The following PITPNC1 variants were observed in gnomAD, a reference collection of about 807,000 sequenced individuals.
PITPNC1 encodes the protein cytoplasmic phosphatidylinositol transfer protein 1.
Under a neutral mutation model 44.7 loss-of-function variants are expected in PITPNC1, and 18 were observed. The observed-to-expected ratio is 0.40, with a 90% CI of 0.28 to 0.60. PITPNC1 has a LOEUF of 0.60. Among genes scored for constraint, PITPNC1 ranks in the 20% least tolerant of loss-of-function variants. PITPNC1 has a pLI of 0.39. For synonymous variants in PITPNC1, 141 were observed against 149.6 expected (o/e 0.94, Z 0.42); for missense variants, 290 against 418.4 (o/e 0.69, Z 2.68).
chr17:67,475,259 A>C (rs2039609854), intron 1 of PITPNC1, among the ~76,000 whole-genome samples: 2 of 152,144 alleles, frequency 1.3e-5, no homozygotes. Context: ...CGTGGGAAGC[A>C]ACTTGATTGT....
intron 5 of PITPNC1, among the ~76,000 whole-genome samples, chr17:67,584,616 T>A (rs2041286285): frequency 1.3e-5 from 2 of 152,176 alleles, no homozygotes; most frequent in Non-Finnish European, 2.9e-5. Context: ...ATGGAAGCAC[T>A]TCATAAACTG....
intron 1 of PITPNC1, among the ~76,000 whole-genome samples, chr17:67,389,049 C>T (rs902310565): frequency 6.6e-6 from 1 of 152,252 alleles, no homozygotes; most frequent in African/African-American, 2.4e-5. Flanking sequence ...ATAAAGCTGA[C>T]ATCAAGGCGT....
chr17:67,582,896 G>A (rs1303308011), intron 5 of PITPNC1, among the ~76,000 whole-genome samples: 2 of 152,232 alleles, frequency 1.3e-5, no homozygotes, highest in East Asian at 3.8e-4. Flanking sequence ...CTGCCCATGT[G>A]GTGACGGCTG....
At chr17:67,441,197 T>C (rs2039007615) in intron 1 of PITPNC1, among the ~76,000 whole-genome samples, 1 of 152,128 alleles carries the variant, frequency 6.6e-6, no homozygotes. Flanking sequence ...CAAATTGTCA[T>C]CTTCTGTATC....
chr17:67,433,467 G>A (rs373675478), intron 1 of PITPNC1, among the ~76,000 whole-genome samples: 2 of 152,116 alleles, frequency 1.3e-5, no homozygotes, highest in Non-Finnish European at 2.9e-5. Flanking sequence ...CTGGGGAGCC[G>A]GGTGCAGTAA....
intron 4 of PITPNC1, among the ~76,000 whole-genome samples, chr17:67,561,206 A>G (rs2040902364): frequency 6.6e-6 from 1 of 152,232 alleles, no homozygotes; most frequent in Non-Finnish European, 1.5e-5. Flanking sequence ...CTGTAATCTC[A>G]ACACTCTGGG....
intron 1 of PITPNC1, among the ~76,000 whole-genome samples, chr17:67,463,512 G>A (rs7223459): frequency 0.042 from 6,340 of 152,152 alleles, 463 homozygotes; most frequent in African/African-American, 0.14. Context: ...TAGCAAATTC[G>A]GCTTCCGGAA....
chr17:67,518,056 T>G (rs908122221), intron 1 of PITPNC1, among the ~76,000 whole-genome samples: 1 of 152,194 alleles, frequency 6.6e-6, no homozygotes, highest in Non-Finnish European at 1.5e-5. Flanking sequence ...CCCAAATTGT[T>G]GAATATAAAT....
intron 1 of PITPNC1, among the ~76,000 whole-genome samples, chr17:67,495,368 G>A (rs530501089): frequency 4.6e-5 from 7 of 152,152 alleles, no homozygotes; most frequent in South Asian, 2.1e-4. Flanking sequence ...TCTGAGCCAC[G>A]GAGATCTTTT....
chr17:67,420,063 C>T (rs531895640), intron 1 of PITPNC1, among the ~76,000 whole-genome samples: 13 of 152,258 alleles, frequency 8.5e-5, no homozygotes, highest in East Asian at 5.8e-4. Context: ...GACATGAGTC[C>T]GTCTTTGATC....
In PITPNC1 at chr17:67,597,579, AAC is replaced by A. The variant is rs1465948830; in HGVS notation, c.366+19324_366+19325del. Among the ~76,000 whole-genome samples, 1 of 152,188 alleles carries A rather than the reference AAC, an allele frequency of 6.6e-6. No individual in the cohort carries two copies. Among genetic ancestry groups the A allele is most frequent in the Non-Finnish European group, 1.5e-5 (1 of 68,036 alleles). ...TCTCAACAAAAAAAGGAAAGAAAAA[AAC>A]AGTTATCTTCCTCAATCCCTTTGTG... On this transcript the variant is annotated intron_variant, in intron 5 of 8. Transcript: ENST00000581322. The surrounding 1 kb of genome is among the most constrained non-coding windows in gnomAD (Gnocchi z 4.0).
chr17:67,581,774 C>T (rs2144238323), intron 5 of PITPNC1, among the ~76,000 whole-genome samples: 1 of 152,324 alleles, frequency 6.6e-6, no homozygotes, highest in South Asian at 2.1e-4. Flanking sequence ...TGGCTCACGC[C>T]TGTAATCCCA....
chr17:67,438,497 G>C (rs1274474887), intron 1 of PITPNC1, among the ~76,000 whole-genome samples: 3 of 152,008 alleles, frequency 2.0e-5, no homozygotes, highest in African/African-American at 7.2e-5. Flanking sequence ...TGTATTTTTA[G>C]TACAGACAGG....
At chr17:67,620,567 TCAGA>T in intron 5 of PITPNC1, among the ~76,000 whole-genome samples, 1 of 152,256 alleles carries the variant, frequency 6.6e-6, no homozygotes, top group East Asian at 1.9e-4. Flanking sequence ...CAGAATTTTC[TCAGA>T]CACTCTCAGG....
rs546901954 is a variant in PITPNC1, at chr17:67,589,583, C to T, written c.366+11326C>T. On this transcript the variant is annotated intron_variant, in intron 5 of 8. Transcript: ENST00000581322. ...CAAGGTCTGAATGTCCACTTTGTAA[C>T]CACTGTAGTAATAATTGACTCAAAA... is the stretch of plus-strand genomic sequence containing the variant. Among the ~76,000 whole-genome samples the T allele has an allele frequency of 5.6e-4, 81 of 144,128 alleles. 1 individual carries two copies. Among genetic ancestry groups the T allele is most frequent in the Middle Eastern group, 3.5e-3 (1 of 286 alleles). 94.6% of individuals were successfully genotyped at this position (144,128 alleles called of 152,430 possible).
At chr17:67,379,776 A>G (rs11652752) in intron 1 of PITPNC1, among the ~76,000 whole-genome samples, 9,224 of 152,246 alleles carry the variant, frequency 0.061, 374 homozygotes, top group Middle Eastern at 0.12. Flanking sequence ...CCATATCCTA[A>G]TGACCTTGTT....
At chr17:67,388,478 C>T (rs939084507) in intron 1 of PITPNC1, among the ~76,000 whole-genome samples, 28 of 151,832 alleles carry the variant, frequency 1.8e-4, no homozygotes, top group African/African-American at 5.8e-4. Context: ...CCCACCACCA[C>T]GCCCGGCTAA....
intron 1 of PITPNC1, among the ~76,000 whole-genome samples, chr17:67,462,678 A>G (rs1485401459): frequency 6.6e-6 from 1 of 151,286 alleles, no homozygotes; most frequent in African/African-American, 2.4e-5. Flanking sequence ...TATTTATGTA[A>G]TGATTATTTC....
chr17:67,656,007 C>T (rs1261066647), intron 6 of PITPNC1, among the ~76,000 whole-genome samples: 2 of 152,158 alleles, frequency 1.3e-5, no homozygotes, highest in African/African-American at 4.8e-5. Flanking sequence ...CATGGGAGCC[C>T]GGGTCGGGGT....
Sources: allele counts gnomAD v4.1 joint callset (sites outside exome capture counted in the v4.1 genomes callset), GRCh38; gene constraint gnomAD v4.1.1; non-coding constraint Gnocchi (gnomAD v3.1); transcripts MANE v1.5; gene names NCBI Gene and HGNC (gene_info 2026-07-23, HGNC 2026-07-21).